Variants in DRC10 observed in about 807,000 individuals in gnomAD.
DRC10 encodes dynein regulatory complex subunit 10.
At chr12:113,207,476 T>C in the DRC10 span, 132 of 1,613,986 alleles carry the variant, frequency 8.2e-5, no homozygotes, top group East Asian at 2.9e-3. Flanking sequence ...GCCAATTCCT[T>C]TTCAAGAGTA....
At chr12:113,207,185 TAA>T in the DRC10 span, 1 of 515,884 alleles carries the variant, frequency 1.9e-6, no homozygotes, top group Non-Finnish European at 3.5e-6. Context: ...CTGTCTCTAC[TAA>T]AAATACAAAA....
At chr12:113,205,350 C>G in the DRC10 span, among the ~76,000 whole-genome samples, 1 of 151,074 alleles carries the variant, frequency 6.6e-6, no homozygotes. Context: ...CTGGCCAACA[C>G]GGTGAAACCC....
chr12:113,200,737 A>C, the DRC10 span: 1 of 1,536,152 alleles, frequency 6.5e-7, no homozygotes, highest in Non-Finnish European at 8.7e-7. Context: ...AGTGCGAACG[A>C]GGCTGTTCTC....
chr12:113,216,192 T>C, the DRC10 span, among the ~76,000 whole-genome samples: 2 of 152,134 alleles, frequency 1.3e-5, no homozygotes, highest in Non-Finnish European at 2.9e-5. Context: ...GATTATTCAG[T>C]GTTAAAAAGA....
At chr12:113,200,094 A>C in the DRC10 span, 1 of 294,930 alleles carries the variant, frequency 3.4e-6, no homozygotes, top group African/African-American at 2.2e-5. Flanking sequence ...CAGCTCTCTC[A>C]CTACCATCTC....
At chr12:113,203,044 T>G in the DRC10 span, 1 of 455,030 alleles carries the variant, frequency 2.2e-6, no homozygotes, top group Non-Finnish European at 4.4e-6. Flanking sequence ...CTTTTTTTTT[T>G]GAGACAGGGT....
the DRC10 span, among the ~76,000 whole-genome samples, chr12:113,206,680 A>G: frequency 1.3e-5 from 2 of 151,650 alleles, no homozygotes; most frequent in Non-Finnish European, 2.9e-5. Context: ...TTCCCAACAC[A>G]GGAGGCGGAG....
the DRC10 span, among the ~76,000 whole-genome samples, chr12:113,219,098 C>T: frequency 3.3e-5 from 5 of 152,222 alleles, no homozygotes; most frequent in Admixed American, 1.3e-4. Context: ...TGCAGTGGCA[C>T]GATCTCGGCT....
At chr12:113,197,414 C>T in the DRC10 span, 1 of 655,540 alleles carries the variant, frequency 1.5e-6, no homozygotes, top group African/African-American at 1.8e-5. Flanking sequence ...AAGGGAAGTG[C>T]TCCCTGCAGA....
At chr12:113,195,661 A>G in the DRC10 span, 1 of 1,613,050 alleles carries the variant, frequency 6.2e-7, no homozygotes, top group African/African-American at 1.3e-5. Context: ...TTCTTCTTGG[A>G]TCTGAGCAGG....
chr12:113,215,710 A>G, the DRC10 span, among the ~76,000 whole-genome samples: 2 of 152,214 alleles, frequency 1.3e-5, no homozygotes, highest in East Asian at 1.9e-4. Flanking sequence ...TTCTGGTTAT[A>G]TCTAAGTGTA....
At chr12:113,209,189 C>G in the DRC10 span, among the ~76,000 whole-genome samples, 1 of 152,186 alleles carries the variant, frequency 6.6e-6, no homozygotes, top group Non-Finnish European at 1.5e-5. Flanking sequence ...GCTGGGATTA[C>G]AGGCCTGAGC....
the DRC10 span, chr12:113,207,262 C>T: frequency 6.6e-5 from 45 of 684,600 alleles, no homozygotes; most frequent in Non-Finnish European, 9.5e-5. Flanking sequence ...GTGGGAGAAT[C>T]GCTTGAACCT....
the DRC10 span, among the ~76,000 whole-genome samples, chr12:113,212,765 G>C: frequency 1.3e-5 from 2 of 152,134 alleles, no homozygotes; most frequent in Admixed American, 6.5e-5. Context: ...AATGACTGGA[G>C]AATCTCTTTT....
At chr12:113,199,618 T>C in the DRC10 span, among the ~76,000 whole-genome samples, 1 of 152,094 alleles carries the variant, frequency 6.6e-6, no homozygotes, top group Non-Finnish European at 1.5e-5. Context: ...GAGACAAGTA[T>C]TAAAAAGGGT....
At chr12:113,217,212 C>G in the DRC10 span, among the ~76,000 whole-genome samples, 1 of 152,202 alleles carries the variant, frequency 6.6e-6, no homozygotes, top group African/African-American at 2.4e-5. Flanking sequence ...AACAATTTCT[C>G]ATTCTTTAGG....
the DRC10 span, among the ~76,000 whole-genome samples, chr12:113,201,496 A>G: frequency 6.6e-6 from 1 of 152,216 alleles, no homozygotes; most frequent in Non-Finnish European, 1.5e-5. Flanking sequence ...CTGGGGACAC[A>G]GCAGGGGAGG....
At chr12:113,218,651 A>G in the DRC10 span, among the ~76,000 whole-genome samples, 3 of 147,372 alleles carry the variant, frequency 2.0e-5, 1 homozygote, top group South Asian at 6.5e-4. Context: ...CTTTGTTACC[A>G]GGCTCCTAGG....
At chr12:113,214,069 C>A in the DRC10 span, among the ~76,000 whole-genome samples, 220 of 152,284 alleles carry the variant, frequency 1.4e-3, no homozygotes, top group African/African-American at 4.9e-3. Flanking sequence ...CCCTCCAAAC[C>A]TCTAGCTTTC....
Sources: allele counts gnomAD v4.1 joint callset (sites outside exome capture counted in the v4.1 genomes callset), GRCh38; gene constraint gnomAD v4.1.1; transcripts MANE v1.5; gene names NCBI Gene and HGNC (gene_info 2026-07-23, HGNC 2026-07-21).